OXR1: variants seen among roughly 807,000 people sequenced by gnomAD.
OXR1 encodes oxidation resistance 1.
OXR1 carries 41 observed loss-of-function variants against 104.6 expected under a neutral mutation model. That is an observed-to-expected ratio of 0.39 (90% confidence interval 0.31 to 0.51). The LOEUF is 0.51. Ranked by LOEUF, OXR1 falls within the 20% of genes least tolerant of loss-of-function variation. OXR1 has a pLI of 0.77. For synonymous variants in OXR1, 348 were observed against 348.4 expected, an observed-to-expected ratio of 1.00 and a Z score of 0.01; for missense variants, 955 against 1,031.9, an observed-to-expected ratio of 0.93 and a Z score of 1.02.
intron 1 of OXR1, among the ~76,000 whole-genome samples, chr8:106,284,039 T>A (rs1812395386): frequency 6.6e-6 from 1 of 152,034 alleles, no homozygotes; most frequent in South Asian, 2.1e-4. Flanking sequence ...TAACAAATGC[T>A]GAGGATCCAA....
intron 3 of OXR1, among the ~76,000 whole-genome samples, chr8:106,663,927 C>T (rs1162885381): frequency 1.3e-5 from 2 of 152,132 alleles, no homozygotes; most frequent in Non-Finnish European, 2.9e-5. Context: ...CCAGTTGTTA[C>T]AGTAACTTTT....
chr8:106,451,981 G>T (rs1016012434), intron 2 of OXR1, among the ~76,000 whole-genome samples: 4 of 152,116 alleles, frequency 2.6e-5, no homozygotes, highest in Non-Finnish European at 5.9e-5. Context: ...GAGATGATTT[G>T]GGGAGCGGGA....
intron 3 of OXR1, among the ~76,000 whole-genome samples, chr8:106,660,865 T>C (rs765883335): frequency 6.6e-5 from 10 of 151,966 alleles, no homozygotes; most frequent in Non-Finnish European, 1.5e-4. Flanking sequence ...ATACAAAAAT[T>C]AGCTGGGCGT....
At chr8:106,719,878 T>A (rs1292491722) in intron 11 of OXR1, among the ~76,000 whole-genome samples, 1 of 152,192 alleles carries the variant, frequency 6.6e-6, no homozygotes, top group Non-Finnish European at 1.5e-5. Context: ...TCATCTTGGC[T>A]CACTGCAAGC....
At chr8:106,747,769 A>C (rs1835513488) in intron 16 of OXR1, among the ~76,000 whole-genome samples, 1 of 152,222 alleles carries the variant, frequency 6.6e-6, no homozygotes, top group South Asian at 2.1e-4. Context: ...AAATTGACAA[A>C]AATGTTGAAA....
At chr8:106,648,460 A>G (rs996325733) in intron 3 of OXR1, among the ~76,000 whole-genome samples, 2 of 152,242 alleles carry the variant, frequency 1.3e-5, no homozygotes, top group African/African-American at 4.8e-5. Flanking sequence ...ATATTCTTTT[A>G]GTATAAAAAT....
chr8:106,674,307 A>G (rs1050350377), intron 3 of OXR1, among the ~76,000 whole-genome samples: 4 of 152,196 alleles, frequency 2.6e-5, no homozygotes, highest in Non-Finnish European at 5.9e-5. Context: ...TTTAAGATTT[A>G]ATGACTGCCC....
At chr8:106,599,371 C>A (rs1270151421) in intron 3 of OXR1, among the ~76,000 whole-genome samples, 1 of 152,010 alleles carries the variant, frequency 6.6e-6, no homozygotes, top group East Asian at 1.9e-4. Context: ...GGATGCTGAG[C>A]CTGAATTCAA....
intron 3 of OXR1, chr8:106,581,029 G>T: frequency 1.9e-6 from 2 of 1,080,812 alleles, no homozygotes; most frequent in East Asian, 8.1e-5. Flanking sequence ...AAATTAGTCA[G>T]AGGAAGACAA....
At chr8:106,281,799 C>CAAAAAAAAAAAAAA (rs59515650) in intron 1 of OXR1, among the ~76,000 whole-genome samples, 1 of 62,948 alleles carries the variant, frequency 1.6e-5, no homozygotes, top group Non-Finnish European at 3.3e-5. Context: ...GACTCTATCT[C>CAAAAAAAAAAAAAA]AAAAAAAAAA....
At chr8:106,517,817 A>C (rs1434600601) in intron 2 of OXR1, among the ~76,000 whole-genome samples, 1 of 152,226 alleles carries the variant, frequency 6.6e-6, no homozygotes, top group Non-Finnish European at 1.5e-5. Flanking sequence ...TATAGGTCAT[A>C]ATTTAATGAC....
chr8:106,436,342 C>G (rs1218178869), intron 2 of OXR1, among the ~76,000 whole-genome samples: 1 of 152,016 alleles, frequency 6.6e-6, no homozygotes, highest in Non-Finnish European at 1.5e-5. Context: ...TGGTAATTAG[C>G]ATATCCAGGT....
intron 3 of OXR1, among the ~76,000 whole-genome samples, chr8:106,650,429 C>T (rs1249137044): frequency 6.6e-6 from 1 of 152,120 alleles, no homozygotes; most frequent in African/African-American, 2.4e-5. Flanking sequence ...GCCTGTAACT[C>T]TTAGACAACT....
At chr8:106,349,243 G>A (rs771801716) in intron 1 of OXR1, among the ~76,000 whole-genome samples, 1 of 152,036 alleles carries the variant, frequency 6.6e-6, no homozygotes. Flanking sequence ...TGATCCAAAT[G>A]TTCAAAAAAT....
chr8:106,720,252 C>A (rs1185175471), intron 11 of OXR1, among the ~76,000 whole-genome samples: 2 of 152,194 alleles, frequency 1.3e-5, no homozygotes, highest in South Asian at 4.1e-4. Flanking sequence ...TCAAACATAT[C>A]ATTGCCAAGG....
chr8:106,684,660 A>G (rs1051804159), intron 6 of OXR1, among the ~76,000 whole-genome samples: 3 of 152,210 alleles, frequency 2.0e-5, no homozygotes, highest in Non-Finnish European at 4.4e-5. Context: ...ACATGACATT[A>G]TCACAGTAGA....
At chr8:106,441,930 C>G (rs1297349194) in intron 2 of OXR1, among the ~76,000 whole-genome samples, 2 of 152,142 alleles carry the variant, frequency 1.3e-5, no homozygotes, top group African/African-American at 4.8e-5. Flanking sequence ...CCTGATTGCC[C>G]TGGCCAAAAC....
chr8:106,569,553 A>G (rs1466406739), intron 3 of OXR1, among the ~76,000 whole-genome samples: 1 of 152,194 alleles, frequency 6.6e-6, no homozygotes, highest in East Asian at 1.9e-4. Context: ...AACTTTCCAA[A>G]CCCTTTTCCA....
chr8:106,685,900 A>G (rs1354529850), intron 6 of OXR1, among the ~76,000 whole-genome samples: 3 of 149,654 alleles, frequency 2.0e-5, no homozygotes, highest in African/African-American at 7.3e-5. Context: ...CAACAAGTGG[A>G]TAAGGAAAAT....
Sources: allele counts gnomAD v4.1 joint callset (sites outside exome capture counted in the v4.1 genomes callset), GRCh38; gene constraint gnomAD v4.1.1; transcripts MANE v1.5; gene names NCBI Gene and HGNC (gene_info 2026-07-23, HGNC 2026-07-21).